AREG: variants seen among roughly 807,000 people sequenced by gnomAD.
AREG encodes the protein amphiregulin B.
Under a neutral mutation model 28.0 loss-of-function variants are expected in AREG, and 16 were observed. The ratio of observed to expected loss-of-function variants is 0.57; its 90% confidence interval spans 0.39 to 0.87. The LOEUF (loss-of-function observed/expected upper bound fraction) is 0.87, where lower values mean the gene tolerates loss of function less well. Ranked by LOEUF, AREG falls within the 40% of genes least tolerant of loss-of-function variation. The pLI, the probability that AREG is intolerant of heterozygous loss-of-function variation, is 0.00. For missense variants in AREG, 287 were observed against 309.1 expected (o/e 0.93, Z 0.53); for synonymous variants, 113 against 113.5 (o/e 1.00, Z 0.02).
At position 74,445,404 on chromosome 4, in the gene AREG, C is replaced by T. The variant is rs1398341197; in HGVS notation, c.59C>T (p.Ser20Leu). Residue 20 changes from serine (S) to leucine (L), a missense_variant and splice_region_variant, in exon 1 of 6, where the codon TCA (serine) becomes TTA (leucine). Coordinates refer to ENST00000395748, the MANE Select transcript of AREG (RefSeq NM_001657.4). ...GTGCTGTCGCTCTTGATACTCGGCT[C>T]AGGTGAGGATTCACCGGCGCTGAAC... ...PVVLSLLILG[S>L]GHYAAGLDLN... The T allele has an allele frequency of 1.9e-6, 3 of 1,608,826 alleles. No homozygotes were observed. The highest frequency in any genetic ancestry group is 2.5e-6 in the Non-Finnish European group (3 of 1,178,308).
intron 4 of AREG, among the ~76,000 whole-genome samples, chr4:74,451,471 A>G (rs1354711815): frequency 2.0e-5 from 3 of 152,230 alleles, no homozygotes; most frequent in Non-Finnish European, 2.9e-5. Context: ...CATTCAGGAA[A>G]CAAGGGGTTA....
Position 74,445,528 on chromosome 4 carries a change from G to A in AREG, c.61+122G>A. 5 of 1,524,674 alleles carry A rather than the reference G, an allele frequency of 3.3e-6. No individual in the cohort carries two copies. The South Asian group carries it at 4.9e-5, about 15-fold the overall frequency. The allele number at this position is 1,524,674 out of a possible 1,614,324, so 94.4% of individuals were successfully genotyped here. A position where few individuals can be genotyped will look rare whatever the true frequency, so the allele number is the denominator to read the frequency against. ...TTCCCCCGACCCTGCGCCGCAGGAG[G>A]TGATCACTGTAGCTCCCTCCCTAGG... On this transcript the variant is annotated intron_variant, in intron 1 of 5. Coordinates refer to ENST00000395748, the MANE Select transcript of AREG (RefSeq NM_001657.4).
chr4:74,448,190 A>AT (rs1246200920), intron 2 of AREG, among the ~76,000 whole-genome samples: 2 of 152,222 alleles, frequency 1.3e-5, no homozygotes, highest in Non-Finnish European at 2.9e-5. Context: ...CATTCAAAAT[A>AT]TTTCTCTTAA....
At chr4:74,452,743 GTTC>G (rs1333765600) in intron 5 of AREG, 88 bp downstream of exon 5, 3 of 1,172,414 alleles carry the variant, frequency 2.6e-6, no homozygotes, top group African/African-American at 1.6e-5. Flanking sequence ...TATGGAATGT[GTTC>G]TTAATTATAT....
chr4:74,452,423 G>A, intron 4 of AREG, 121 bp from the exon 5 acceptor site: 1 of 1,127,778 alleles, frequency 8.9e-7, no homozygotes, highest in Non-Finnish European at 1.3e-6. Flanking sequence ...TTAGTGTCAA[G>A]TATAGTGATT....
chr4:74,448,615 CTG>C (rs2110411512), intron 2 of AREG: 2 of 167,858 alleles, frequency 1.2e-5, no homozygotes, highest in African/African-American at 4.8e-5. Flanking sequence ...ACAAAAGTTT[CTG>C]TGGATCAGAT....
intron 3 of AREG, among the ~76,000 whole-genome samples, chr4:74,449,615 A>G (rs1025533259): frequency 7.2e-5 from 11 of 152,100 alleles, no homozygotes; most frequent in Admixed American, 2.0e-4. Context: ...GCTGAGTACA[A>G]TGGTGACAGC....
intron 2 of AREG, 46 bp from the exon 3 acceptor site, chr4:74,449,001 T>C (rs1369803135): frequency 6.2e-7 from 1 of 1,601,782 alleles, no homozygotes; most frequent in Non-Finnish European, 8.5e-7. Context: ...TCTAAAATTA[T>C]ATTCAAGTTT....
At chr4:74,451,332 T>A (rs2110412602) in intron 4 of AREG, among the ~76,000 whole-genome samples, 2 of 152,260 alleles carry the variant, frequency 1.3e-5, no homozygotes, top group East Asian at 3.9e-4. Context: ...GGGGAGGACA[T>A]GAATGGCTCT....
At chr4:74,452,367 A>G (rs969931544) in intron 4 of AREG, among the ~76,000 whole-genome samples, 177 bp from the exon 5 acceptor site, 2 of 152,178 alleles carry the variant, frequency 1.3e-5, no homozygotes, top group Non-Finnish European at 2.9e-5. Context: ...CAGTCAACAT[A>G]AATACCCCCT....
At chr4:74,451,188 T>C (rs1719375454) in intron 4 of AREG, among the ~76,000 whole-genome samples, 1 of 152,186 alleles carries the variant, frequency 6.6e-6, no homozygotes, top group Admixed American at 6.5e-5. Flanking sequence ...TTCCCTGTGC[T>C]CATAATAACA....
chr4:74,452,318 C>T (rs1014096156), intron 4 of AREG, among the ~76,000 whole-genome samples: 1 of 152,056 alleles, frequency 6.6e-6, no homozygotes, highest in Non-Finnish European at 1.5e-5. Flanking sequence ...TATATCAAGA[C>T]ACATTTAAAT....
rs28364991 is a variant in AREG at position 74,453,782 on chromosome 4, G to A, written c.*19-977G>A. On this transcript the variant is annotated intron_variant, in intron 5 of 5. Coordinates refer to ENST00000395748, the MANE Select transcript of AREG (RefSeq NM_001657.4). ...TAAAAATACAAAAAATTAGCTGGGT[G>A]TGGTGGTGAATGTCTATAGTCCCAG... Among the ~76,000 whole-genome samples the A allele has an allele frequency of 4.8e-3, 736 of 152,184 alleles. 2 individuals carry two copies. The highest frequency in any genetic ancestry group is 7.4e-3 in the Non-Finnish European group (505 of 68,004).
intron 3 of AREG, among the ~76,000 whole-genome samples, chr4:74,449,704 G>T (rs964819227): frequency 1.3e-5 from 2 of 152,134 alleles, no homozygotes; most frequent in Non-Finnish European, 2.9e-5. Context: ...GCAGTGAGCC[G>T]TGATCGCACC....
intron 2 of AREG, among the ~76,000 whole-genome samples, chr4:74,447,864 A>G (rs945310249): frequency 6.6e-6 from 1 of 152,186 alleles, no homozygotes; most frequent in African/African-American, 2.4e-5. Flanking sequence ...TGAGGTGGGT[A>G]AGGGGTTCAT....
chr4:74,449,700 A>T (rs1397258071), intron 3 of AREG, among the ~76,000 whole-genome samples: 1 of 152,218 alleles, frequency 6.6e-6, no homozygotes, highest in Admixed American at 6.5e-5. Context: ...GACTGCAGTG[A>T]GCCGTGATCG....
At position 74,454,910 on chromosome 4, in the gene AREG, C is replaced by A. The variant is rs982574928; in HGVS notation, c.*170C>A. 4.5e-6 allele frequency: 3 copies of A among 668,994 alleles called. No homozygotes were observed. Among genetic ancestry groups the A allele is most frequent in the East Asian group, 5.4e-5 (2 of 36,712 alleles). The allele number at this position is 668,994 out of a possible 1,614,324, so 41.4% of individuals were successfully genotyped here. A position where few individuals can be genotyped will look rare whatever the true frequency, so the allele number is the denominator to read the frequency against. ...TGCTATTTCTGTATATAAAGGTGCA[C>A]GAAGGTAAAAAGTATTTTTTCAAGT... On this transcript the variant is annotated 3_prime_UTR_variant, in exon 6 of 6. Coordinates refer to ENST00000395748, the MANE Select transcript of AREG (RefSeq NM_001657.4).
intron 4 of AREG, 33 bp from the exon 5 acceptor site, chr4:74,452,511 C>G (rs1719395906): frequency 6.2e-7 from 1 of 1,612,412 alleles, no homozygotes. Flanking sequence ...TGAATAGAAC[C>G]TTGATAACAT....
Position 74,449,116 on chromosome 4 carries a change from A to G in AREG, c.380A>G (p.Lys127Arg). 6.2e-7 allele frequency: 1 copy of G among 1,612,782 alleles called. No homozygotes were observed. Among genetic ancestry groups the G allele is most frequent in the African/African-American group, 1.3e-5 (1 of 74,678 alleles). ...AATACTTCAGATAAACCCAAAAGAA[A>G]GAAAAAGGGAGGCAAAAATGGAAAA... Reference protein sequence around the residue: ...SENTSDKPKRKKKGGKNGKNR... With the variant: ...SENTSDKPKRRKKGGKNGKNR... The change falls in exon 3 of 6, where the codon AAG (lysine) becomes AGG (arginine). Residue 127 changes from lysine to arginine, a missense_variant. By Grantham distance (26) the Lys-to-Arg change is conservative. Coordinates refer to ENST00000395748, the MANE Select transcript of AREG (RefSeq NM_001657.4).
Sources: allele counts gnomAD v4.1 joint callset (sites outside exome capture counted in the v4.1 genomes callset), GRCh38; gene constraint gnomAD v4.1.1; transcripts MANE v1.5; gene names NCBI Gene and HGNC (gene_info 2026-07-23, HGNC 2026-07-21).